USH2A: variants seen among roughly 807,000 people sequenced by gnomAD.
USH2A encodes the protein usherin.
In USH2A, 443 loss-of-function variants were observed where a neutral mutation model predicts 538.9. The ratio of observed to expected loss-of-function variants is 0.82; its 90% CI spans 0.76 to 0.89. The LOEUF (loss-of-function observed/expected upper bound fraction) is 0.89. Among genes scored for constraint, USH2A ranks in the 40% least tolerant of loss-of-function variants. USH2A has a pLI of 0.00. For synonymous variants in USH2A, 2,413 were observed against 2,273.5 expected (o/e 1.06, Z -1.75); for missense variants, 6,633 against 6,324.8 (o/e 1.05, Z -1.65).
intron 55 of USH2A, among the ~76,000 whole-genome samples, chr1:215,767,471 CT>C (rs1234548678): frequency 3.3e-5 from 5 of 152,162 alleles, no homozygotes; most frequent in African/African-American, 1.2e-4. Flanking sequence ...CTAATGCGCC[CT>C]TTTTTGAGGT....
intron 64 of USH2A, among the ~76,000 whole-genome samples, chr1:215,667,314 T>C (rs752638499): frequency 1.3e-5 from 2 of 152,112 alleles, no homozygotes; most frequent in Non-Finnish European, 1.5e-5. Flanking sequence ...GTTATATGAA[T>C]TGTGGTGAGG....
chr1:215,826,660 A>C (rs183059835), intron 47 of USH2A, among the ~76,000 whole-genome samples: 4 of 152,312 alleles, frequency 2.6e-5, no homozygotes, highest in Admixed American at 1.3e-4. Flanking sequence ...GGAAACCCAT[A>C]AGATGTTCCT....
chr1:215,904,026 C>T (rs994569377), intron 38 of USH2A, among the ~76,000 whole-genome samples: 2 of 151,930 alleles, frequency 1.3e-5, no homozygotes, highest in African/African-American at 4.8e-5. Flanking sequence ...ATAATAAGTG[C>T]ATACATAGAA....
chr1:215,881,295 C>T lies in USH2A; in HGVS notation c.8224-2197G>A, dbSNP rs185771240. On this transcript the variant is annotated intron_variant, in intron 41 of 71. Transcript: ENST00000307340. ...GGCTAGGAGTATACGCGTGTGCTACCACACCCGGCTAATTTTTGTAGTTTT... is the reference window on the plus strand; with the variant it reads ...GGCTAGGAGTATACGCGTGTGCTACTACACCCGGCTAATTTTTGTAGTTTT... Among the ~76,000 whole-genome samples, 126 of 152,260 alleles carry T rather than the reference C, an allele frequency of 8.3e-4. 1 individual carries two copies. The highest frequency in any genetic ancestry group is 7.8e-3 in the Admixed American group (119 of 15,292).
chr1:216,076,836 A>T (rs2031769471), intron 27 of USH2A, among the ~76,000 whole-genome samples: 1 of 152,154 alleles, frequency 6.6e-6, no homozygotes, highest in Admixed American at 6.6e-5. Flanking sequence ...TTAACCATTC[A>T]GGGTATGTAG....
At chr1:216,106,355 TTGTA>T (rs926323379) in intron 21 of USH2A, among the ~76,000 whole-genome samples, 2 of 150,080 alleles carry the variant, frequency 1.3e-5, no homozygotes, top group Non-Finnish European at 3.0e-5. Context: ...TGTAGAATAT[TTGTA>T]GTGGTCCTTC....
chr1:215,680,662 A>G (rs1329365371), intron 61 of USH2A, among the ~76,000 whole-genome samples: 1 of 151,736 alleles, frequency 6.6e-6, no homozygotes, highest in African/African-American at 2.4e-5. Flanking sequence ...TGATATATAA[A>G]CATTAAAAAA....
intron 38 of USH2A, among the ~76,000 whole-genome samples, chr1:215,904,072 G>A (rs946779126): frequency 6.6e-6 from 1 of 152,054 alleles, no homozygotes; most frequent in Non-Finnish European, 1.5e-5. Flanking sequence ...AAAAAATAAA[G>A]TGCAAAATGC....
rs376081393 is a variant in USH2A at position 215,743,371 on chromosome 1, C to CATATATATATATATATATAT, written c.11390-37_11390-36insATATATATATATATATATAT. The CATATATATATATATATATAT allele has an allele frequency of 4.9e-5, 20 of 406,120 alleles. 1 individual carries two copies. Among genetic ancestry groups the CATATATATATATATATATAT allele is most frequent in the East Asian group, 2.0e-4 (3 of 15,118 alleles). 25.2% of individuals were successfully genotyped at this position (406,120 alleles called of 1,614,324 possible). On this transcript the variant is annotated intron_variant, in intron 58 of 71. Coordinates refer to ENST00000307340, the MANE Select transcript of USH2A (RefSeq NM_206933.4). ...AGAGAGAGAGAGAGAACATTAAAAACATATATATATATATATGTGTGTGTG... is the reference window on the plus strand; with the variant it reads ...AGAGAGAGAGAGAGAACATTAAAAACATATATATATATATATATATATATATATATATATATGTGTGTGTG...
Position 216,406,385 on chromosome 1 carries a change from A to G in USH2A, c.651+12129T>C, listed in dbSNP as rs78095344. Among the ~76,000 whole-genome samples the G allele has an allele frequency of 4.8e-3, 725 of 152,268 alleles. 3 individuals carry two copies. Among genetic ancestry groups the G allele is most frequent in the African/African-American group, 0.017 (695 of 41,560 alleles). On this transcript the variant is annotated intron_variant, in intron 3 of 71. Transcript: ENST00000307340. Reference sequence around the variant, plus strand: ...TAATTAAGAATAAACAAATAGGTGGATATGTTTATGCCACAGATTATGGTG... The same window carrying G: ...TAATTAAGAATAAACAAATAGGTGGGTATGTTTATGCCACAGATTATGGTG...
intron 48 of USH2A, among the ~76,000 whole-genome samples, chr1:215,814,595 T>A (rs1323573379): frequency 6.6e-6 from 1 of 152,044 alleles, no homozygotes; most frequent in Non-Finnish European, 1.5e-5. Context: ...TTTAAAAGAG[T>A]GTGGCAGCTC....
intron 20 of USH2A, among the ~76,000 whole-genome samples, chr1:216,187,529 G>C (rs1484717080): frequency 6.6e-6 from 1 of 151,792 alleles, no homozygotes; most frequent in Non-Finnish European, 1.5e-5. Flanking sequence ...AATGCTTTCA[G>C]ATTTTAAGCC....
intron 21 of USH2A, among the ~76,000 whole-genome samples, chr1:216,112,242 T>G (rs1282384375): frequency 6.6e-6 from 1 of 152,144 alleles, no homozygotes; most frequent in Non-Finnish European, 1.5e-5. Flanking sequence ...AACATGTATT[T>G]TTTCTTCCTT....
At chr1:215,963,375 C>G (rs1667249001) in intron 37 of USH2A, among the ~76,000 whole-genome samples, 1 of 152,034 alleles carries the variant, frequency 6.6e-6, no homozygotes, top group Non-Finnish European at 1.5e-5. Context: ...ACGAATTTTC[C>G]TGGGGCCCAT....
chr1:215,880,554 A>T (rs1664877382), intron 41 of USH2A, among the ~76,000 whole-genome samples: 1 of 152,182 alleles, frequency 6.6e-6, no homozygotes, highest in South Asian at 2.1e-4. Flanking sequence ...GAATATTTTT[A>T]AAAACACCCT....
rs1558027322 is a variant in USH2A at position 215,627,422 on chromosome 1, TTCC to T, written c.15519+1389_15519+1391del. On this transcript the variant is annotated intron_variant, in intron 71 of 71. Coordinates refer to ENST00000307340, the MANE Select transcript of USH2A (RefSeq NM_206933.4). Reference sequence around the variant, plus strand: ...CTTCCTTCCTTCCTTCCTTCCTTCCTTCCTTCCTTCCTTCCTTCCTTCCTTCCT... The same window carrying T: ...CTTCCTTCCTTCCTTCCTTCCTTCCTTTCCTTCCTTCCTTCCTTCCTTCCT... Among the ~76,000 whole-genome samples, 213 of 122,460 alleles carry T rather than the reference TTCC, an allele frequency of 1.7e-3. 4 individuals are homozygous for T. The highest frequency in any genetic ancestry group is 6.2e-3 in the African/African-American group (198 of 31,976). 80.3% of individuals were successfully genotyped at this position (122,460 alleles called of 152,430 possible).
intron 37 of USH2A, among the ~76,000 whole-genome samples, chr1:215,955,405 A>C (rs537269215): frequency 2.8e-4 from 43 of 152,294 alleles, no homozygotes; most frequent in African/African-American, 9.6e-4. Context: ...GGATAGAGAA[A>C]ATTTCTCTAC....
At chr1:215,913,614 ATTG>A (rs1665869494) in intron 38 of USH2A, among the ~76,000 whole-genome samples, 1 of 152,044 alleles carries the variant, frequency 6.6e-6, no homozygotes, top group Non-Finnish European at 1.5e-5. Flanking sequence ...AGAAACTACA[ATTG>A]TTGTTTAGTT....
chr1:215,817,567 T>C (rs1462624122), intron 47 of USH2A, among the ~76,000 whole-genome samples: 1 of 151,902 alleles, frequency 6.6e-6, no homozygotes, highest in African/African-American at 2.4e-5. Flanking sequence ...TTGCCTTACT[T>C]TACCTAGGAG....
Sources: gnomAD v4.1 joint callset for allele counts (sites outside exome capture counted in the v4.1 genomes callset) on GRCh38, gnomAD v4.1.1 for gene constraint, MANE v1.5 for transcripts, NCBI Gene and HGNC (gene_info 2026-07-23, HGNC 2026-07-21) for gene names.